Variants in PDE10A observed in about 807,000 individuals in gnomAD.
PDE10A encodes the protein phosphodiesterase 10A.
PDE10A carries 39 observed loss-of-function variants against 97.7 expected under a neutral mutation model. That is an observed-to-expected ratio of 0.40 (90% CI 0.31 to 0.52). The LOEUF is 0.52. Among genes scored for constraint, PDE10A ranks in the 20% least tolerant of loss-of-function variants. The probability of loss-of-function intolerance (pLI) is 0.56; values close to 1 mark genes in which losing one functional copy is unlikely to be tolerated. For synonymous variants in PDE10A, 371 were observed against 376.8 expected (o/e 0.98, Z 0.18); for missense variants, 731 against 1,047.8 (o/e 0.70, Z 4.17).
chr6:165,419,564 T>C (rs1365077633), intron 10 of PDE10A, among the ~76,000 whole-genome samples: 1 of 152,224 alleles, frequency 6.6e-6, no homozygotes, highest in Non-Finnish European at 1.5e-5. Context: ...TTATAACAAA[T>C]ATGCTTTTCC....
At chr6:165,752,545 T>G (rs117529112) in intron 1 of PDE10A, among the ~76,000 whole-genome samples, 2 of 152,234 alleles carry the variant, frequency 1.3e-5, no homozygotes, top group Admixed American at 1.3e-4. Flanking sequence ...TGTTATGTTA[T>G]GAATTATACA....
chr6:165,940,599 G>C (rs537417092), intron 1 of PDE10A: 42 of 152,390 alleles, frequency 2.8e-4, no homozygotes, highest in African/African-American at 1.0e-3. Context: ...GTGCAGTCAC[G>C]GGGCTCACGT....
chr6:165,870,159 C>G (rs1489174993), intron 1 of PDE10A, among the ~76,000 whole-genome samples: 1 of 152,036 alleles, frequency 6.6e-6, no homozygotes, highest in Non-Finnish European at 1.5e-5. Context: ...TGAAGAGAGA[C>G]AATCTTTGGA....
At chr6:165,365,918 G>C (rs1296886769) in intron 18 of PDE10A, among the ~76,000 whole-genome samples, 1 of 152,020 alleles carries the variant, frequency 6.6e-6, no homozygotes, top group Non-Finnish European at 1.5e-5. Flanking sequence ...AAAATTAATA[G>C]ATTACATGCA....
chr6:165,734,863 G>A (rs1247140044), intron 1 of PDE10A, among the ~76,000 whole-genome samples: 7 of 152,094 alleles, frequency 4.6e-5, no homozygotes, highest in African/African-American at 1.7e-4. Flanking sequence ...CGCTTAAATT[G>A]GTAAAACATA....
intron 1 of PDE10A, among the ~76,000 whole-genome samples, chr6:165,771,792 T>C (rs1039996947): frequency 1.3e-5 from 2 of 152,038 alleles, no homozygotes; most frequent in Non-Finnish European, 2.9e-5. Context: ...CACCTCTGCC[T>C]ACACGAGAAC....
intron 1 of PDE10A, among the ~76,000 whole-genome samples, chr6:165,922,810 C>T (rs903406791): frequency 5.9e-5 from 9 of 152,288 alleles, no homozygotes; most frequent in Middle Eastern, 3.4e-3. Flanking sequence ...TGGAAACATT[C>T]GGTTGAGTCC....
intron 1 of PDE10A, among the ~76,000 whole-genome samples, chr6:165,885,912 C>G (rs9459517): frequency 2.0e-5 from 3 of 151,978 alleles, no homozygotes; most frequent in Non-Finnish European, 2.9e-5. Context: ...ATAGAGAGAC[C>G]TTACAGATAA....
At chr6:165,500,698 G>T (rs562058708) in intron 2 of PDE10A, among the ~76,000 whole-genome samples, 1 of 151,956 alleles carries the variant, frequency 6.6e-6, no homozygotes, top group South Asian at 2.1e-4. Context: ...GAAGATAAAT[G>T]AAAGAGGAAG....
intron 18 of PDE10A, among the ~76,000 whole-genome samples, chr6:165,376,384 T>G (rs906642669): frequency 6.6e-6 from 1 of 152,230 alleles, no homozygotes; most frequent in Non-Finnish European, 1.5e-5. Context: ...TGAGATGACA[T>G]CTACTTCTGG....
At chr6:165,368,838 C>T (rs1055913374) in intron 18 of PDE10A, among the ~76,000 whole-genome samples, 2 of 152,174 alleles carry the variant, frequency 1.3e-5, no homozygotes, top group Admixed American at 1.3e-4. Flanking sequence ...CAAGTAGGGG[C>T]AGACCGACAC....
intron 1 of PDE10A, among the ~76,000 whole-genome samples, chr6:165,599,647 A>G (rs1786816745): frequency 6.6e-6 from 1 of 152,232 alleles, no homozygotes; most frequent in African/African-American, 2.4e-5. Context: ...ACCTCGTAAC[A>G]GTAAGAATTT....
intron 1 of PDE10A, among the ~76,000 whole-genome samples, chr6:165,931,114 A>G (rs972197633): frequency 6.6e-6 from 1 of 152,204 alleles, no homozygotes; most frequent in Non-Finnish European, 1.5e-5. Context: ...CTCCTCTTCC[A>G]TCCACTTTCC....
chr6:165,663,740 G>A (rs559427420), upstream of PDE10A, among the ~76,000 whole-genome samples: 1 of 152,318 alleles, frequency 6.6e-6, no homozygotes, highest in East Asian at 1.9e-4. Context: ...GTTTGCCTTG[G>A]TTGGGGTTAG....
At chr6:165,846,109 T>A (rs1780410548) in intron 1 of PDE10A, among the ~76,000 whole-genome samples, 2 of 152,206 alleles carry the variant, frequency 1.3e-5, no homozygotes, top group African/African-American at 2.4e-5. Flanking sequence ...GCTTATGGGA[T>A]CGACCAGAAA....
Position 165,395,264 on chromosome 6 carries a change from T to A in PDE10A, c.2220A>T (p.Leu740Phe), listed in dbSNP as rs150587082. Residue 740 changes from leucine to phenylalanine, a missense_variant and splice_region_variant, in exon 15 of 22, where the codon TTA becomes TTT. By Grantham distance (22) the Leu-to-Phe change is conservative. Transcript: ENST00000539869. Reference protein sequence around the residue: ...LPVRLCKEIELFHFDIGPFEN... With the variant: ...LPVRLCKEIEFFHFDIGPFEN... ...CAAAAGGACCAATGTCAAAGTGGAA[T>A]CTGAAATTTTAAAAGGGCAGTTTAT... The A allele has an allele frequency of 1.2e-6, 2 of 1,610,530 alleles. No homozygotes were observed. Among genetic ancestry groups the A allele is most frequent in the East Asian group, 2.2e-5 (1 of 44,836 alleles).
chr6:165,674,495 C>T (rs982794078), intron 1 of PDE10A, among the ~76,000 whole-genome samples: 3 of 152,118 alleles, frequency 2.0e-5, no homozygotes, highest in African/African-American at 7.2e-5. Context: ...GATTGACGTG[C>T]GTGCGTGGGA....
intron 18 of PDE10A, among the ~76,000 whole-genome samples, chr6:165,357,785 A>G (rs1019591243): frequency 6.6e-6 from 1 of 151,956 alleles, no homozygotes; most frequent in African/African-American, 2.4e-5. Context: ...CCATTTTAAT[A>G]GTCTTTTCAA....
At chr6:165,469,609 T>A (rs900102811) in intron 3 of PDE10A, among the ~76,000 whole-genome samples, 1 of 152,228 alleles carries the variant, frequency 6.6e-6, no homozygotes, top group Non-Finnish European at 1.5e-5. Flanking sequence ...CCTGTGGGGT[T>A]CTTCTTCATG....
Sources: allele counts gnomAD v4.1 joint callset (sites outside exome capture counted in the v4.1 genomes callset), GRCh38; gene constraint gnomAD v4.1.1; transcripts MANE v1.5; gene names NCBI Gene and HGNC (gene_info 2026-07-23, HGNC 2026-07-21).